Variants in FOXP2 observed in about 807,000 individuals in gnomAD.
FOXP2 encodes the protein forkhead box protein P2.
A neutral mutation model predicts 115.8 loss-of-function variants in FOXP2; 12 were observed. That is an observed-to-expected ratio of 0.10 (90% CI 0.07 to 0.17). FOXP2 has a LOEUF of 0.17. FOXP2 is among the 10% of genes least tolerant of loss of function. FOXP2 has a pLI of 1.00. For missense variants in FOXP2, 629 were observed against 843.5 expected (o/e 0.75, Z 3.15); for synonymous variants, 328 against 297.7 (o/e 1.10, Z -1.05).
intron 1 of FOXP2, among the ~76,000 whole-genome samples, chr7:114,105,010 G>C (rs1244624401): frequency 1.3e-5 from 2 of 151,948 alleles, no homozygotes; most frequent in Non-Finnish European, 1.5e-5. Context: ...TTCTGGTTTT[G>C]AGTTTCTATT....
At chr7:114,221,710 C>G (rs1237193400) in intron 1 of FOXP2, among the ~76,000 whole-genome samples, 2 of 152,118 alleles carry the variant, frequency 1.3e-5, no homozygotes, top group African/African-American at 4.8e-5. Flanking sequence ...ATCACTTCTT[C>G]CTTTTATCTA....
chr7:114,198,928 C>T (rs1424461282), intron 1 of FOXP2, among the ~76,000 whole-genome samples: 6 of 152,216 alleles, frequency 3.9e-5, no homozygotes, highest in African/African-American at 1.4e-4. Flanking sequence ...GCAGAATTTC[C>T]TCTTTTTCGG....
chr7:114,152,086 G>GT (rs1472705489), intron 1 of FOXP2, among the ~76,000 whole-genome samples: 1 of 152,006 alleles, frequency 6.6e-6, no homozygotes, highest in Non-Finnish European at 1.5e-5. Flanking sequence ...TAAGAAAGTA[G>GT]TTATTTTGGC....
At chr7:114,580,231 C>A (rs988188827) in intron 3 of FOXP2, among the ~76,000 whole-genome samples, 1 of 152,076 alleles carries the variant, frequency 6.6e-6, no homozygotes, top group Non-Finnish European at 1.5e-5. Context: ...ATCAGAAAAA[C>A]CAATCATCGT....
At chr7:114,635,237 T>C (rs962714192) in intron 6 of FOXP2, among the ~76,000 whole-genome samples, 4 of 152,220 alleles carry the variant, frequency 2.6e-5, no homozygotes, top group African/African-American at 7.2e-5. Context: ...TCTATGCTTA[T>C]GGAAGTCTAA....
intron 2 of FOXP2, among the ~76,000 whole-genome samples, chr7:114,524,211 T>A (rs1255693972): frequency 6.6e-6 from 1 of 152,172 alleles, no homozygotes; most frequent in Non-Finnish European, 1.5e-5. Flanking sequence ...GTGAACATCC[T>A]AAATCTAGTG....
chr7:114,642,610 G>T lies in FOXP2; in HGVS notation c.976G>T (p.Ala326Ser), dbSNP rs1177378764. 5 of 1,613,048 alleles carry T rather than the reference G, an allele frequency of 3.1e-6. No homozygotes were observed. Among genetic ancestry groups the T allele is most frequent in the Non-Finnish European group, 4.2e-6 (5 of 1,179,428 alleles). Residue 326 changes from alanine to serine, a missense_variant, in exon 7 of 17, where the codon GCA (alanine) becomes TCA (serine). This residue lies in a region of FOXP2 where 92 missense variants were observed against 80.1 expected (regional missense o/e 1.15). Transcript: ENST00000350908. ...GAATGGACAGTCTTCAGTTCTAAGT[G>T]CAAGACGAGACAGGTAAATCTCATG... ...IVNGQSSVLS[A>S]RRDSSSHEET...
chr7:114,271,963 A>G (rs1376888965), intron 1 of FOXP2, among the ~76,000 whole-genome samples: 1 of 132,908 alleles, frequency 7.5e-6, no homozygotes, highest in Admixed American at 8.4e-5. Flanking sequence ...TATTATATTA[A>G]TTATATATAA....
At chr7:114,680,666 C>A (rs961010411) in intron 16 of FOXP2, among the ~76,000 whole-genome samples, 2 of 151,774 alleles carry the variant, frequency 1.3e-5, no homozygotes, top group African/African-American at 4.8e-5. Context: ...ATCACTTGAA[C>A]CCGGGAAGGC....
At chr7:114,417,171 TAGAG>T (rs1478586996) in intron 1 of FOXP2, among the ~76,000 whole-genome samples, 7 of 152,064 alleles carry the variant, frequency 4.6e-5, no homozygotes, top group East Asian at 1.9e-4. Context: ...GATTAGTTGA[TAGAG>T]AGAATTGGCC....
chr7:114,619,385 A>G (rs987473455), intron 3 of FOXP2, among the ~76,000 whole-genome samples: 6 of 152,142 alleles, frequency 3.9e-5, no homozygotes, highest in African/African-American at 1.4e-4. Flanking sequence ...TATTTTTAAT[A>G]CATCATATGA....
At chr7:114,354,346 C>G (rs1365300790) in intron 2 of FOXP2, among the ~76,000 whole-genome samples, 1 of 152,020 alleles carries the variant, frequency 6.6e-6, no homozygotes, top group African/African-American at 2.4e-5. Context: ...ATTGTGTGAT[C>G]CAATTCCTAT....
intron 1 of FOXP2, among the ~76,000 whole-genome samples, chr7:114,097,287 C>G (rs1247899966): frequency 6.6e-6 from 1 of 152,022 alleles, no homozygotes; most frequent in East Asian, 1.9e-4. Context: ...TTTATTCAAC[C>G]CTTCCTCCCA....
At chr7:114,090,487 G>A (rs1056231538) in intron 1 of FOXP2, among the ~76,000 whole-genome samples, 2 of 151,736 alleles carry the variant, frequency 1.3e-5, no homozygotes, top group African/African-American at 4.8e-5. Context: ...TATTAGCACT[G>A]ATTTCAAAAA....
intron 16 of FOXP2, among the ~76,000 whole-genome samples, chr7:114,678,074 G>A (rs1807872603): frequency 2.0e-5 from 3 of 152,104 alleles, no homozygotes; most frequent in Admixed American, 6.5e-5. Flanking sequence ...GTGGGGAATC[G>A]GAAAAGACTT....
chr7:114,524,869 A>G (rs1158893696), intron 2 of FOXP2, among the ~76,000 whole-genome samples: 1 of 152,144 alleles, frequency 6.6e-6, no homozygotes, highest in African/African-American at 2.4e-5. Context: ...TGTATTGTAT[A>G]TGTGCATATT....
intron 1 of FOXP2, among the ~76,000 whole-genome samples, chr7:114,189,833 C>T (rs1459224049): frequency 2.0e-5 from 3 of 152,100 alleles, no homozygotes; most frequent in Non-Finnish European, 2.9e-5. Context: ...CTTTTTTCCT[C>T]ATTTCACTTT....
intron 2 of FOXP2, among the ~76,000 whole-genome samples, chr7:114,528,647 A>G (rs1323547179): frequency 6.6e-6 from 1 of 152,014 alleles, no homozygotes; most frequent in African/African-American, 2.4e-5. Flanking sequence ...ACATTTACAT[A>G]TTGTAGTATA....
At chr7:114,393,369 C>T (rs1450276133) in intron 2 of FOXP2, among the ~76,000 whole-genome samples, 1 of 151,894 alleles carries the variant, frequency 6.6e-6, no homozygotes, top group East Asian at 1.9e-4. Flanking sequence ...TCTGTTCCAG[C>T]AGTGTGATGG....
Sources: gnomAD v4.1 joint callset for allele counts (sites outside exome capture counted in the v4.1 genomes callset) on GRCh38, gnomAD v4.1.1 for gene constraint, gnomAD v4.1.1 regional missense constraint, MANE v1.5 for transcripts, NCBI Gene and HGNC (gene_info 2026-07-23, HGNC 2026-07-21) for gene names.